Variants in DIS3L2 observed in about 807,000 individuals in gnomAD.
The protein encoded by DIS3L2 is DIS3-like exonuclease 2.
DIS3L2 carries 34 observed loss-of-function variants against 97.5 expected under a neutral mutation model. That is an observed-to-expected ratio of 0.35 (90% CI 0.27 to 0.46). DIS3L2 has a LOEUF of 0.46. Among genes scored for constraint, DIS3L2 ranks in the 20% least tolerant of loss-of-function variants. The probability of loss-of-function intolerance (pLI) is 1.00; values close to 1 mark genes in which losing one functional copy is unlikely to be tolerated. For synonymous variants in DIS3L2, 435 were observed against 445.2 expected (o/e 0.98, Z 0.29); for missense variants, 1,038 against 1,146.0 (o/e 0.91, Z 1.36).
chr2:232,285,541 A>G (rs1414144565), intron 13 of DIS3L2, among the ~76,000 whole-genome samples: 3 of 152,226 alleles, frequency 2.0e-5, no homozygotes, highest in Admixed American at 6.5e-5. Context: ...GGAAAGGTAA[A>G]TTGTTGCAAC....
intron 3 of DIS3L2, among the ~76,000 whole-genome samples, chr2:232,020,960 A>G (rs1021475188): frequency 1.2e-4 from 19 of 152,292 alleles, no homozygotes; most frequent in Middle Eastern, 3.4e-3. Context: ...AACCCTGTCC[A>G]AAGCTGTTAG....
intron 10 of DIS3L2, among the ~76,000 whole-genome samples, chr2:232,221,473 G>A (rs1047389192): frequency 6.6e-6 from 1 of 152,148 alleles, no homozygotes; most frequent in African/African-American, 2.4e-5. Flanking sequence ...TTGTATTTTA[G>A]AGGGGAACCC....
intron 8 of DIS3L2, among the ~76,000 whole-genome samples, chr2:232,138,300 A>G (rs1469411790): frequency 6.6e-6 from 1 of 152,168 alleles, no homozygotes; most frequent in African/African-American, 2.4e-5. Flanking sequence ...CATTTGCTGG[A>G]TTTAAAGAAA....
intron 14 of DIS3L2, among the ~76,000 whole-genome samples, chr2:232,305,493 C>A (rs1307372745): frequency 6.6e-6 from 1 of 152,138 alleles, no homozygotes; most frequent in Non-Finnish European, 1.5e-5. Flanking sequence ...GATTTCTATT[C>A]TTTCTTTTAT....
At chr2:232,320,474 G>C (rs184019318) in intron 14 of DIS3L2, among the ~76,000 whole-genome samples, 1 of 152,198 alleles carries the variant, frequency 6.6e-6, no homozygotes, top group South Asian at 2.1e-4. Context: ...CCTGTCACCT[G>C]TGTTGGATTT....
intron 6 of DIS3L2, among the ~76,000 whole-genome samples, chr2:232,096,496 G>A (rs921922457): frequency 1.3e-5 from 2 of 151,896 alleles, no homozygotes; most frequent in African/African-American, 4.8e-5. Context: ...ATTATTTCTT[G>A]GATTAAATTT....
intron 13 of DIS3L2, among the ~76,000 whole-genome samples, chr2:232,285,189 C>T (rs1249038843): frequency 6.6e-6 from 1 of 152,140 alleles, no homozygotes; most frequent in Non-Finnish European, 1.5e-5. Flanking sequence ...TTTACAGACC[C>T]TGAAAGAAGC....
intron 7 of DIS3L2, 30 bp downstream of exon 7, chr2:232,130,749 C>G: frequency 6.2e-7 from 1 of 1,611,334 alleles, no homozygotes. Context: ...CTCCACGTGT[C>G]CAAATGGCTT....
At chr2:232,083,107 C>G (rs1696453989) in intron 5 of DIS3L2, among the ~76,000 whole-genome samples, 1 of 152,088 alleles carries the variant, frequency 6.6e-6, no homozygotes, top group African/African-American at 2.4e-5. Flanking sequence ...TGGTCCCTCC[C>G]ATGACACATT....
At chr2:232,291,210 T>C (rs13390740) in intron 13 of DIS3L2, among the ~76,000 whole-genome samples, 2,915 of 152,242 alleles carry the variant, frequency 0.019, 94 homozygotes, top group African/African-American at 0.067. Context: ...CTTTGTCTTA[T>C]AAAAGAAAGC....
chr2:232,154,998 G>T lies in DIS3L2; in HGVS notation c.951-8461G>T, dbSNP rs1228341498. Among the ~76,000 whole-genome samples, 6 of 140,460 alleles carry T rather than the reference G, an allele frequency of 4.3e-5. No homozygotes were observed. In the Admixed American group the frequency reaches 4.3e-4, roughly 10 times the overall value. The allele number at this position is 140,460 out of a possible 152,430, so 92.1% of individuals were successfully genotyped here. ...CGTCCGTCACCCCTTTCTTTGACTC[G>T]GAAAGGGAACTCCCTGACCCCTTGC... On this transcript the variant is annotated intron_variant, in intron 8 of 20. Transcript: ENST00000325385.
chr2:232,339,731 C>T (rs768097982), downstream of DIS3L2: 25 of 455,950 alleles, frequency 5.5e-5, no homozygotes, highest in South Asian at 1.5e-4. Flanking sequence ...GCCACATGGA[C>T]GAGAGAGCCG....
chr2:232,001,557 C>CTTTTTTTTTTT (rs57766848), intron 1 of DIS3L2, among the ~76,000 whole-genome samples: 317 of 61,926 alleles, frequency 5.1e-3, no homozygotes, highest in African/African-American at 9.3e-3. Context: ...TGCCATTTGT[C>CTTTTTTTTTTT]TTTTTTTTTT....
At chr2:232,175,624 A>G (rs935126054) in intron 9 of DIS3L2, among the ~76,000 whole-genome samples, 11 of 152,024 alleles carry the variant, frequency 7.2e-5, no homozygotes, top group Non-Finnish European at 1.5e-4. Context: ...CGGGTTTATT[A>G]TATGAGTAAA....
chr2:232,144,847 G>A (rs1351798416), intron 8 of DIS3L2, among the ~76,000 whole-genome samples: 2 of 152,120 alleles, frequency 1.3e-5, no homozygotes, highest in Non-Finnish European at 2.9e-5. Flanking sequence ...TTCTCAGTTT[G>A]TGTTTGTCTA....
At chr2:232,043,003 C>T (rs1274521736) in intron 5 of DIS3L2, among the ~76,000 whole-genome samples, 1 of 152,196 alleles carries the variant, frequency 6.6e-6, no homozygotes, top group East Asian at 1.9e-4. Context: ...TTTTCTAGCT[C>T]TTGAGTGTAC....
intron 1 of DIS3L2, among the ~76,000 whole-genome samples, chr2:231,991,564 C>G (rs1693586312): frequency 6.6e-6 from 1 of 152,200 alleles, no homozygotes; most frequent in Admixed American, 6.5e-5. Flanking sequence ...GCCACCATAC[C>G]TGGCCTTAAT....
rs757880754 is a variant in DIS3L2, at chr2:232,343,387, C to CA, written c.1625dup (p.His542GlnfsTer6). ...TGGGGCTGCCCATCTTCAGGCCTCT[C>CA]ACAGCCCCTCTGCTGAAGATGCAGA... On this transcript the variant is annotated frameshift_variant, in exon 14 of 14. Coordinates refer to the DIS3L2 transcript ENST00000273009. LOFTEE classifies it high-confidence loss of function. 7 of 1,556,426 alleles carry CA rather than the reference C, an allele frequency of 4.5e-6. No individual in the cohort carries two copies. Among genetic ancestry groups the CA allele is most frequent in the Non-Finnish European group, 6.1e-6 (7 of 1,150,278 alleles).
chr2:232,082,478 A>G (rs950819335), intron 5 of DIS3L2, among the ~76,000 whole-genome samples: 9 of 152,164 alleles, frequency 5.9e-5, no homozygotes, highest in African/African-American at 1.9e-4. Context: ...CATGAACTCT[A>G]CTATGAACTG....
Sources: gnomAD v4.1 joint callset for allele counts (sites outside exome capture counted in the v4.1 genomes callset) on GRCh38, gnomAD v4.1.1 for gene constraint, MANE v1.5 for transcripts, NCBI Gene and HGNC (gene_info 2026-07-23, HGNC 2026-07-21) for gene names.